Variants in UST observed in about 807,000 individuals in gnomAD.
UST encodes uronyl 2-sulfotransferase, also known as chondroitin sulfate 2-O-sulfotransferase.
UST carries 21 observed loss-of-function variants against 45.6 expected under a neutral mutation model. That is an observed-to-expected ratio of 0.46 (90% CI 0.33 to 0.66). The LOEUF (loss-of-function observed/expected upper bound fraction) is 0.66, where lower values mean the gene tolerates loss of function less well. Among genes scored for constraint, UST ranks in the 30% least tolerant of loss-of-function variants. The pLI is 0.02. For missense variants in UST, 463 were observed against 512.4 expected, an observed-to-expected ratio of 0.90 and a Z score of 0.93; for synonymous variants, 215 against 200.6, an observed-to-expected ratio of 1.07 and a Z score of -0.61.
chr6:148,951,220 C>T (rs541156266), intron 3 of UST, among the ~76,000 whole-genome samples: 1 of 152,180 alleles, frequency 6.6e-6, no homozygotes, highest in South Asian at 2.1e-4. Context: ...TATGGGAGTC[C>T]GGGAAAGAGC....
chr6:148,965,344 G>C (rs1317604442), intron 5 of UST, among the ~76,000 whole-genome samples: 1 of 152,186 alleles, frequency 6.6e-6, no homozygotes, highest in Non-Finnish European at 1.5e-5. Flanking sequence ...CTGGTGCCCA[G>C]GAGGCTGAAA....
chr6:148,927,088 C>T (rs1779829326), intron 2 of UST, among the ~76,000 whole-genome samples: 1 of 151,852 alleles, frequency 6.6e-6, no homozygotes. Context: ...AGAATTCATC[C>T]ATCATTCAGT....
chr6:149,014,944 C>T (rs1775874049), intron 5 of UST, among the ~76,000 whole-genome samples: 1 of 152,232 alleles, frequency 6.6e-6, no homozygotes, highest in South Asian at 2.1e-4. Context: ...ACTGGGGCAC[C>T]TCTGGAGGCT....
At chr6:149,010,913 A>AAAAAAACAAAAAAAAAAAAAAAAAC (rs1554234080) in intron 5 of UST, among the ~76,000 whole-genome samples, 6 of 92,994 alleles carry the variant, frequency 6.5e-5, no homozygotes, top group South Asian at 3.9e-4. Flanking sequence ...AAAAAAAAAA[A>AAAAAAACAAAAAAAAAAAAAAAAAC]AAAAAACTGT....
At chr6:148,757,023 G>A (rs1776114236) in intron 1 of UST, among the ~76,000 whole-genome samples, 1 of 152,186 alleles carries the variant, frequency 6.6e-6, no homozygotes, top group Non-Finnish European at 1.5e-5. Context: ...ATATAGTTTT[G>A]TTTAGAGGTG....
chr6:149,006,752 C>T (rs1164347151), intron 5 of UST, among the ~76,000 whole-genome samples: 1 of 152,216 alleles, frequency 6.6e-6, no homozygotes, highest in Non-Finnish European at 1.5e-5. Context: ...GCCTCGCCAG[C>T]AACTGTTGTT....
chr6:148,910,065 C>G (rs1314828282), intron 2 of UST, among the ~76,000 whole-genome samples: 1 of 151,330 alleles, frequency 6.6e-6, no homozygotes, highest in Non-Finnish European at 1.5e-5. Context: ...AGTTTGATTA[C>G]CTTGGTAAAT....
chr6:148,948,543 A>G (rs1026712143), intron 3 of UST, among the ~76,000 whole-genome samples: 20 of 152,304 alleles, frequency 1.3e-4, no homozygotes, highest in African/African-American at 4.6e-4. Context: ...ATCTTTCATT[A>G]CATAGTTATC....
Position 148,828,395 on chromosome 6 carries a change from T to A in UST, c.248-58591T>A, listed in dbSNP as rs1243560621. On this transcript the variant is annotated intron_variant, in intron 1 of 7. Coordinates refer to ENST00000367463, the MANE Select transcript of UST (RefSeq NM_005715.3). ...TAATGCCGTTATATTACTGGAAAAA[T>A]TAAGCATGCAGAGCTAGTTATAGCA... Among the ~76,000 whole-genome samples the A allele has an allele frequency of 3.9e-5, 6 of 152,098 alleles. No individual in the cohort carries two copies. The East Asian group carries it at 1.2e-3, about 29-fold the overall frequency.
chr6:148,926,330 A>G (rs1394538772), intron 2 of UST, among the ~76,000 whole-genome samples: 1 of 152,214 alleles, frequency 6.6e-6, no homozygotes, highest in African/African-American at 2.4e-5. Flanking sequence ...AAATTAGCAA[A>G]AAATTAAAAA....
intron 5 of UST, among the ~76,000 whole-genome samples, chr6:149,017,823 CA>C (rs1287292947): frequency 1.3e-5 from 2 of 149,558 alleles, no homozygotes; most frequent in East Asian, 3.9e-4. Flanking sequence ...CACACACACA[CA>C]CACACACACA....
At chr6:149,018,451 T>C (rs1775936945) in intron 5 of UST, among the ~76,000 whole-genome samples, 1 of 152,200 alleles carries the variant, frequency 6.6e-6, no homozygotes, top group African/African-American at 2.4e-5. Flanking sequence ...ATCTCTAATA[T>C]GATCTACCTT....
chr6:148,884,523 C>A (rs1307121660), intron 1 of UST, among the ~76,000 whole-genome samples: 1 of 152,092 alleles, frequency 6.6e-6, no homozygotes, highest in South Asian at 2.1e-4. Flanking sequence ...GTTCAAAAGG[C>A]CCCTCATTGA....
intron 3 of UST, among the ~76,000 whole-genome samples, chr6:148,943,827 C>T (rs140442717): frequency 1.8e-3 from 271 of 152,130 alleles, no homozygotes; most frequent in Middle Eastern, 6.8e-3. Flanking sequence ...GTTTTAAAAA[C>T]GCATGGCAAA....
chr6:148,936,951 T>TC (rs1252397796), intron 2 of UST, among the ~76,000 whole-genome samples: 1 of 152,032 alleles, frequency 6.6e-6, no homozygotes, highest in African/African-American at 2.4e-5. Flanking sequence ...CACCTCAGCC[T>TC]CCCAAAGTGG....
At chr6:148,949,576 C>T (rs1170965417) in intron 3 of UST, among the ~76,000 whole-genome samples, 3 of 152,142 alleles carry the variant, frequency 2.0e-5, no homozygotes, top group African/African-American at 7.2e-5. Context: ...CCCCATGTGA[C>T]ACCAGGATAA....
At chr6:148,824,341 G>C (rs1314043257) in intron 1 of UST, among the ~76,000 whole-genome samples, 1 of 152,224 alleles carries the variant, frequency 6.6e-6, no homozygotes, top group African/African-American at 2.4e-5. Context: ...CTAGGTGATT[G>C]TGCAGTATAG....
Position 149,021,336 on chromosome 6 carries a change from A to G in UST, c.792A>G (p.Glu264=), listed in dbSNP as rs1775978779. Residue 264 remains glutamate, a synonymous_variant, in exon 7 of 8, where the codon GAA becomes GAG. Transcript: ENST00000367463. ...TATATCCATAAAGGGAGCCTGGTGA[A>G]TGGGCCCTTGAGAGAGCAAAGCTGA... is the stretch of plus-strand genomic sequence containing the variant. ...GQHPRCREPG[E]WALERAKLNV... 6.2e-7 allele frequency: 1 copy of G among 1,612,602 alleles called. No homozygotes were observed. Among genetic ancestry groups the G allele is most frequent in the Non-Finnish European group, 8.5e-7 (1 of 1,179,190 alleles).
intron 3 of UST, among the ~76,000 whole-genome samples, chr6:148,948,828 T>A (rs10872625): frequency 0.4 from 60,580 of 151,924 alleles, 12,253 homozygotes; most frequent in South Asian, 0.59. Flanking sequence ...ATAGATCAAA[T>A]CTCGGTGGGA....
Sources: gnomAD v4.1 joint callset for allele counts (sites outside exome capture counted in the v4.1 genomes callset) on GRCh38, gnomAD v4.1.1 for gene constraint, MANE v1.5 for transcripts, NCBI Gene and HGNC (gene_info 2026-07-23, HGNC 2026-07-21) for gene names.